The following BICD1 variants were observed in gnomAD, a reference collection of about 807,000 sequenced individuals.
BICD1 encodes the protein BICD cargo adaptor 1.
Under a neutral mutation model 92.5 loss-of-function variants are expected in BICD1, and 35 were observed. That is an observed-to-expected ratio of 0.38 (90% CI 0.29 to 0.50). BICD1 has a LOEUF of 0.50. Ranked by LOEUF, BICD1 falls within the 20% of genes least tolerant of loss-of-function variation. The pLI is 0.93. For synonymous variants in BICD1, 429 were observed against 465.1 expected, an observed-to-expected ratio of 0.92 and a Z score of 1.00; for missense variants, 950 against 1,189.8, an observed-to-expected ratio of 0.80 and a Z score of 2.97.
At chr12:32,198,323 C>CATCTATCT (rs1555145656) in intron 1 of BICD1, among the ~76,000 whole-genome samples, 3 of 87,920 alleles carry the variant, frequency 3.4e-5, no homozygotes, top group African/African-American at 1.2e-4. Flanking sequence ...GAATAATATG[C>CATCTATCT]ATCTATCTAT....
At chr12:32,114,860 G>C (rs1180843676) in intron 1 of BICD1, among the ~76,000 whole-genome samples, 2 of 152,198 alleles carry the variant, frequency 1.3e-5, no homozygotes, top group Non-Finnish European at 2.9e-5. Flanking sequence ...GTCTAAGAAG[G>C]CAGCCTAAGT....
chr12:32,223,738 C>T (rs1945605098), intron 2 of BICD1, among the ~76,000 whole-genome samples: 1 of 152,178 alleles, frequency 6.6e-6, no homozygotes, highest in South Asian at 2.1e-4. Context: ...GCTAATTTGG[C>T]ATATGCTTAA....
At chr12:32,343,589 C>G (rs550365676) in intron 8 of BICD1, among the ~76,000 whole-genome samples, 1 of 152,254 alleles carries the variant, frequency 6.6e-6, no homozygotes, top group African/African-American at 2.4e-5. Flanking sequence ...CTGTGTTTCC[C>G]ATGTCACCCT....
chr12:32,159,078 C>T (rs571199451), intron 1 of BICD1, among the ~76,000 whole-genome samples: 7 of 152,168 alleles, frequency 4.6e-5, no homozygotes, highest in Admixed American at 2.6e-4. Context: ...GAATTACAGT[C>T]GCGCACCACC....
intron 2 of BICD1, among the ~76,000 whole-genome samples, chr12:32,248,890 C>G (rs1322538561): frequency 6.6e-6 from 1 of 152,224 alleles, no homozygotes; most frequent in African/African-American, 2.4e-5. Context: ...GGCTCCACCC[C>G]ATCCTTCCAG....
At chr12:32,179,582 C>A (rs1047334093) in intron 1 of BICD1, among the ~76,000 whole-genome samples, 1 of 151,828 alleles carries the variant, frequency 6.6e-6, no homozygotes, top group Non-Finnish European at 1.5e-5. Context: ...TTTCTTGATT[C>A]CCAGTGTGCT....
At chr12:32,238,244 AT>A (rs58854471) in intron 2 of BICD1, among the ~76,000 whole-genome samples, 2 of 151,732 alleles carry the variant, frequency 1.3e-5, no homozygotes, top group East Asian at 1.9e-4. Context: ...CCTAAAAAGG[AT>A]TTTTTTTTAA....
intron 1 of BICD1, among the ~76,000 whole-genome samples, chr12:32,111,846 AAT>A (rs1189841385): frequency 6.6e-6 from 1 of 152,060 alleles, no homozygotes; most frequent in East Asian, 1.9e-4. Flanking sequence ...TTAAAGAAAA[AAT>A]ATTTACATTT....
chr12:32,356,119 A>AT (rs1427878084), intron 8 of BICD1, among the ~76,000 whole-genome samples: 8 of 152,154 alleles, frequency 5.3e-5, no homozygotes, highest in Non-Finnish European at 8.8e-5. Context: ...TCAGAGCTGC[A>AT]TGCTTTCACA....
intron 1 of BICD1, among the ~76,000 whole-genome samples, chr12:32,126,294 G>A (rs890363679): frequency 6.6e-6 from 1 of 151,984 alleles, no homozygotes; most frequent in African/African-American, 2.4e-5. Context: ...CCACCAATGG[G>A]CTCTCACCAC....
In BICD1 at chr12:32,337,410, T is replaced by A. The variant is rs914764242; in HGVS notation, c.2253-89T>A. 43 of 1,278,750 alleles carry A rather than the reference T, an allele frequency of 3.4e-5. No individual in the cohort carries two copies. The highest frequency in any genetic ancestry group is 4.5e-5 in the Non-Finnish European group (41 of 919,024). The allele number at this position is 1,278,750 out of a possible 1,614,324, so 79.2% of individuals were successfully genotyped here. A position where few individuals can be genotyped will look rare whatever the true frequency, so the allele number is the denominator to read the frequency against. ...TAAACCAGTCTTCTAAATTTCTAAATTTCGGTCAAATTTATTACTTTTCAG... is the reference window on the plus strand; with the variant it reads ...TAAACCAGTCTTCTAAATTTCTAAAATTCGGTCAAATTTATTACTTTTCAG... On this transcript the variant is annotated intron_variant, in intron 6 of 9. Coordinates refer to ENST00000652176, the MANE Select transcript of BICD1 (RefSeq NM_001714.4). The surrounding 1 kb of genome is among the most constrained non-coding windows in gnomAD (Gnocchi z 4.7).
At chr12:32,278,911 T>C (rs962984278) in intron 2 of BICD1, among the ~76,000 whole-genome samples, 14 of 151,846 alleles carry the variant, frequency 9.2e-5, no homozygotes, top group Admixed American at 4.6e-4. Flanking sequence ...GCCCATTGAG[T>C]GAACTTTAAA....
chr12:32,292,697 A>T lies in BICD1; in HGVS notation c.427-1297A>T, dbSNP rs1354774294. Among the ~76,000 whole-genome samples, 10 of 152,154 alleles carry T rather than the reference A, an allele frequency of 6.6e-5. 1 individual carries two copies. On this transcript the variant is annotated intron_variant, in intron 2 of 9. Transcript: ENST00000652176. ...ATGCATCATGACTTATTTTTTTCGC[A>T]TATGGATATCTAGGTATTACATAAG...
At chr12:32,270,141 T>A (rs1388002021) in intron 2 of BICD1, among the ~76,000 whole-genome samples, 1 of 150,930 alleles carries the variant, frequency 6.6e-6, no homozygotes, top group East Asian at 1.9e-4. Context: ...AAAAAATTAT[T>A]ATTATTTAGT....
At chr12:32,130,720 C>T (rs1000915914) in intron 1 of BICD1, among the ~76,000 whole-genome samples, 1 of 151,878 alleles carries the variant, frequency 6.6e-6, no homozygotes, top group Non-Finnish European at 1.5e-5. Context: ...TCATTTAGAC[C>T]CTGTTTGAGC....
chr12:32,367,878 A>G, intron 9 of BICD1, 133 bp downstream of exon 9: 1 of 798,834 alleles, frequency 1.3e-6, no homozygotes. Context: ...TGGGCTACAT[A>G]GACACACATT....
chr12:32,232,058 G>A (rs1230918198), intron 2 of BICD1, among the ~76,000 whole-genome samples: 2 of 151,554 alleles, frequency 1.3e-5, no homozygotes, highest in Non-Finnish European at 2.9e-5. Context: ...ACGTGTGCAT[G>A]TGTCTTTATA....
intron 1 of BICD1, among the ~76,000 whole-genome samples, chr12:32,136,286 T>C (rs777484555): frequency 6.6e-5 from 10 of 152,368 alleles, no homozygotes; most frequent in Non-Finnish European, 1.5e-4. Flanking sequence ...ATAGATGTCA[T>C]GCAGGTCTGA....
chr12:32,327,880 G>T lies in BICD1; in HGVS notation c.1425G>T (p.Glu475Asp). 2 of 1,614,176 alleles carry T rather than the reference G, an allele frequency of 1.2e-6. No individual in the cohort carries two copies. The highest frequency in any genetic ancestry group is 1.7e-6 in the Non-Finnish European group (2 of 1,180,048). The change falls in exon 5 of 10, where the codon GAG (glutamate) becomes GAT (aspartate). Residue 475 changes from glutamate (E) to aspartate (D), a missense_variant. Physicochemically the swap from Glu to Asp is conservative, Grantham distance 45. Transcript: ENST00000652176. Reference sequence around the variant, plus strand: ...CAAGCCTTGAGAAGACCACCAAGGAGAGTGGTGAGAAGATGGCCCACATGG... The same window carrying T: ...CAAGCCTTGAGAAGACCACCAAGGATAGTGGTGAGAAGATGGCCCACATGG... ...QVTSLEKTTK[E>D]SGEKMAHMEK... is the part of the protein sequence containing the mutation.
Sources: allele counts gnomAD v4.1 joint callset (sites outside exome capture counted in the v4.1 genomes callset), GRCh38; gene constraint gnomAD v4.1.1; non-coding constraint Gnocchi (gnomAD v3.1); transcripts MANE v1.5; gene names NCBI Gene and HGNC (gene_info 2026-07-23, HGNC 2026-07-21).